Variants in ADGRB3 observed in about 807,000 individuals in gnomAD.
ADGRB3 encodes the protein adhesion G protein-coupled receptor B3.
In ADGRB3, 37 loss-of-function variants were observed where a neutral mutation model predicts 193.4. The ratio of observed to expected loss-of-function variants is 0.19; its 90% CI spans 0.15 to 0.25. The LOEUF (loss-of-function observed/expected upper bound fraction) is 0.25, where lower values mean the gene tolerates loss of function less well. Among genes scored for constraint, ADGRB3 ranks in the 10% least tolerant of loss-of-function variants. The probability of loss-of-function intolerance (pLI) is 1.00; values close to 1 mark genes in which losing one functional copy is unlikely to be tolerated. For missense variants in ADGRB3, 1,637 were observed against 1,852.9 expected (o/e 0.88, Z 2.14); for synonymous variants, 690 against 644.2 (o/e 1.07, Z -1.08).
At chr6:69,292,770 C>G (rs1244750166) in intron 20 of ADGRB3, among the ~76,000 whole-genome samples, 2 of 151,876 alleles carry the variant, frequency 1.3e-5, no homozygotes, top group Non-Finnish European at 2.9e-5. Context: ...GCACAATGTG[C>G]AGGTTAGTTA....
In ADGRB3 at chr6:68,900,429, C is replaced by A. The variant is rs532561169; in HGVS notation, c.758-30130C>A. On this transcript the variant is annotated intron_variant, in intron 3 of 31. Coordinates refer to ENST00000370598, the MANE Select transcript of ADGRB3 (RefSeq NM_001704.3). The stretch of plus-strand genomic sequence containing the variant: ...GACAGGGAAAGTAGCCACAAGGAGG[C>A]CTGGGGAAAAGATATGTGGATAGAC... 3.9e-5 allele frequency among the ~76,000 whole-genome samples: 6 copies of A among 152,096 alleles called. No homozygotes were observed. The South Asian group carries it at 1.2e-3, about 32-fold the overall frequency.
chr6:68,876,873 G>T (rs941883162), intron 3 of ADGRB3, among the ~76,000 whole-genome samples: 1 of 151,922 alleles, frequency 6.6e-6, no homozygotes, highest in African/African-American at 2.4e-5. Flanking sequence ...CTAGTTTACA[G>T]GTATGGCTCT....
chr6:68,956,327 G>GTA (rs1296351991), intron 7 of ADGRB3, 139 bp downstream of exon 7: 2 of 855,530 alleles, frequency 2.3e-6, no homozygotes, highest in South Asian at 2.3e-5. Flanking sequence ...GTGTGTGTGT[G>GTA]TATACATGTA....
At chr6:68,728,389 C>A (rs1338819538) in intron 3 of ADGRB3, among the ~76,000 whole-genome samples, 14 of 150,256 alleles carry the variant, frequency 9.3e-5, no homozygotes, top group Admixed American at 9.3e-4. Context: ...CTCTTATCTC[C>A]CAGCCTAACA....
At chr6:68,916,187 A>T (rs1766872312) in intron 3 of ADGRB3, among the ~76,000 whole-genome samples, 1 of 152,142 alleles carries the variant, frequency 6.6e-6, no homozygotes, top group Non-Finnish European at 1.5e-5. Flanking sequence ...AAATAGAATA[A>T]ACATGAGCAG....
chr6:69,251,208 A>T (rs192212537), intron 20 of ADGRB3, among the ~76,000 whole-genome samples: 1 of 152,116 alleles, frequency 6.6e-6, no homozygotes, highest in Non-Finnish European at 1.5e-5. Context: ...TTCCTCCCTT[A>T]TTAGTCTTCT....
chr6:68,968,996 A>C (rs1768476406), intron 8 of ADGRB3, among the ~76,000 whole-genome samples: 1 of 152,138 alleles, frequency 6.6e-6, no homozygotes, highest in South Asian at 2.1e-4. Flanking sequence ...CTATCATTGA[A>C]AAAATTTTAT....
intron 3 of ADGRB3, among the ~76,000 whole-genome samples, chr6:68,777,668 T>TAAAAAA (rs561834409): frequency 1.3e-5 from 1 of 78,072 alleles, no homozygotes; most frequent in African/African-American, 4.1e-5. Flanking sequence ...CTCTGGGATC[T>TAAAAAA]AAAAAAAAAA....
intron 3 of ADGRB3, among the ~76,000 whole-genome samples, chr6:68,882,250 G>C (rs1055699629): frequency 6.6e-6 from 1 of 152,164 alleles, no homozygotes; most frequent in Non-Finnish European, 1.5e-5. Context: ...TTAGATTGTA[G>C]AGTCCCAAGG....
At chr6:69,016,492 C>T (rs554171733) in intron 12 of ADGRB3, among the ~76,000 whole-genome samples, 1 of 152,010 alleles carries the variant, frequency 6.6e-6, no homozygotes, top group African/African-American at 2.4e-5. Context: ...CCTAAATTCA[C>T]TTGGTAATTG....
intron 3 of ADGRB3, among the ~76,000 whole-genome samples, chr6:68,747,029 A>G (rs1427393090): frequency 1.3e-5 from 2 of 152,208 alleles, no homozygotes; most frequent in Non-Finnish European, 2.9e-5. Context: ...AGGCTTACAC[A>G]GAATTAAGGT....
At chr6:69,009,708 C>T (rs988697223) in intron 11 of ADGRB3, among the ~76,000 whole-genome samples, 2 of 152,082 alleles carry the variant, frequency 1.3e-5, no homozygotes, top group African/African-American at 2.4e-5. Context: ...TATTTCTAGT[C>T]AGAGTCACTG....
chr6:68,807,475 C>T (rs1192648207), intron 3 of ADGRB3, among the ~76,000 whole-genome samples: 3 of 151,746 alleles, frequency 2.0e-5, no homozygotes, highest in Non-Finnish European at 2.9e-5. Flanking sequence ...CTCCTGACCT[C>T]GTGATTTCCC....
intron 10 of ADGRB3, among the ~76,000 whole-genome samples, chr6:68,991,225 G>A (rs957331132): frequency 3.9e-5 from 6 of 152,068 alleles, no homozygotes; most frequent in African/African-American, 1.2e-4. Flanking sequence ...AACAACCTAA[G>A]CATAGATGGA....
At chr6:69,305,089 T>A (rs1305130898) in intron 20 of ADGRB3, among the ~76,000 whole-genome samples, 1 of 151,528 alleles carries the variant, frequency 6.6e-6, no homozygotes, top group Non-Finnish European at 1.5e-5. Flanking sequence ...TAATAACACA[T>A]GGTAGTTCTT....
At chr6:69,226,946 C>A in intron 17 of ADGRB3, among the ~76,000 whole-genome samples, 1 of 152,198 alleles carries the variant, frequency 6.6e-6, no homozygotes, top group East Asian at 1.9e-4. Flanking sequence ...CCACTGCCTT[C>A]TTTTGATCAA....
At chr6:69,379,078 G>T (rs1320190195) in intron 30 of ADGRB3, among the ~76,000 whole-genome samples, 1 of 151,962 alleles carries the variant, frequency 6.6e-6, no homozygotes, top group African/African-American at 2.4e-5. Flanking sequence ...TTCAAGAAAT[G>T]TTGCGTGATA....
intron 17 of ADGRB3, among the ~76,000 whole-genome samples, chr6:69,104,610 T>G (rs921261015): frequency 2.6e-5 from 4 of 152,114 alleles, no homozygotes; most frequent in African/African-American, 9.7e-5. Flanking sequence ...AAAGAATATG[T>G]TGCTCTTTTC....
intron 17 of ADGRB3, among the ~76,000 whole-genome samples, chr6:69,081,340 T>C (rs1772381024): frequency 6.6e-6 from 1 of 152,002 alleles, no homozygotes; most frequent in South Asian, 2.1e-4. Context: ...CTCCAAAAAA[T>C]GAAATTTATA....
Sources: allele counts gnomAD v4.1 joint callset (sites outside exome capture counted in the v4.1 genomes callset), GRCh38; gene constraint gnomAD v4.1.1; transcripts MANE v1.5; gene names NCBI Gene and HGNC (gene_info 2026-07-23, HGNC 2026-07-21).